GINS1: variants seen among roughly 807,000 people sequenced by gnomAD.
GINS1 encodes the protein GINS complex subunit 1, also known as DNA replication complex GINS protein PSF1.
Under a neutral mutation model 34.9 loss-of-function variants are expected in GINS1, and 26 were observed. The observed-to-expected ratio is 0.74, with a 90% CI of 0.55 to 1.03. The LOEUF is 1.03. GINS1 is among the 50% of genes least tolerant of loss of function. The pLI is 0.00. For synonymous variants in GINS1, 97 were observed against 84.4 expected (o/e 1.15, Z -0.82); for missense variants, 235 against 237.9 (o/e 0.99, Z 0.08).
At chr20:25,429,536 T>G (rs921398818) in intron 5 of GINS1, among the ~76,000 whole-genome samples, 1 of 152,182 alleles carries the variant, frequency 6.6e-6, no homozygotes, top group African/African-American at 2.4e-5. Flanking sequence ...ATCTTTCTCC[T>G]CTTTCGTTAA....
chr20:25,443,680 C>T (rs1235785179), intron 6 of GINS1, among the ~76,000 whole-genome samples: 1 of 151,586 alleles, frequency 6.6e-6, no homozygotes, highest in Non-Finnish European at 1.5e-5. Flanking sequence ...CGGCGTTTCA[C>T]CATGTTGGCC....
intron 2 of GINS1, among the ~76,000 whole-genome samples, chr20:25,414,279 A>ATCTGC (rs1000601773): frequency 1.3e-5 from 2 of 151,530 alleles, no homozygotes; most frequent in African/African-American, 2.4e-5. Flanking sequence ...CTGTAAAATT[A>ATCTGC]TCTGCTCTAG....
At chr20:25,442,187 A>T (rs1042590097) in intron 6 of GINS1, among the ~76,000 whole-genome samples, 4 of 152,208 alleles carry the variant, frequency 2.6e-5, no homozygotes, top group African/African-American at 9.6e-5. Flanking sequence ...TAGCAAGCAA[A>T]TAGTGATACA....
Position 25,443,545 on chromosome 20 carries a change from C to A in GINS1, c.522+1769C>A, listed in dbSNP as rs1271007469. On this transcript the variant is annotated intron_variant, in intron 6 of 6. Coordinates refer to ENST00000262460, the MANE Select transcript of GINS1 (RefSeq NM_021067.5). ...CCAGGCTGGAGTACAGTGGCATGATCTTGGCTCACTGCAACCTCTGCCTCC... is the reference window on the plus strand; with the variant it reads ...CCAGGCTGGAGTACAGTGGCATGATATTGGCTCACTGCAACCTCTGCCTCC... Among the ~76,000 whole-genome samples the A allele has an allele frequency of 2.8e-5, 4 of 143,228 alleles. No homozygotes were observed. The East Asian group carries it at 8.6e-4, about 31-fold the overall frequency. 94.0% of individuals were successfully genotyped at this position (143,228 alleles called of 152,430 possible).
chr20:25,424,921 C>T (rs544860783), intron 4 of GINS1, among the ~76,000 whole-genome samples: 3 of 152,110 alleles, frequency 2.0e-5, no homozygotes, highest in South Asian at 2.1e-4. Flanking sequence ...TCTGAAATGG[C>T]GTCTTTTTCA....
Position 25,424,159 on chromosome 20 carries a change from A to G in GINS1, c.331-1052A>G, listed in dbSNP as rs141500027. Reference sequence around the variant, plus strand: ...GAATGGGAGGACTTTTTCTTCTGTTATGCTAGTCTATCTGTTCTTATACCA... The same window carrying G: ...GAATGGGAGGACTTTTTCTTCTGTTGTGCTAGTCTATCTGTTCTTATACCA... On this transcript the variant is annotated intron_variant, in intron 4 of 6. Coordinates refer to ENST00000262460, the MANE Select transcript of GINS1 (RefSeq NM_021067.5). Among the ~76,000 whole-genome samples, 713 of 152,270 alleles carry G rather than the reference A, an allele frequency of 4.7e-3. 1 individual carries two copies. Among genetic ancestry groups the G allele is most frequent in the Non-Finnish European group, 6.8e-3 (463 of 68,018 alleles).
At chr20:25,417,674 G>A (rs1055180728) in intron 3 of GINS1, among the ~76,000 whole-genome samples, 1 of 152,108 alleles carries the variant, frequency 6.6e-6, no homozygotes, top group African/African-American at 2.4e-5. Flanking sequence ...TGGCCAACAT[G>A]GTGAAACCCT....
chr20:25,416,865 A>G (rs1167488549), intron 2 of GINS1, among the ~76,000 whole-genome samples: 1 of 152,272 alleles, frequency 6.6e-6, no homozygotes, highest in East Asian at 1.9e-4. Flanking sequence ...AAAAATGCAA[A>G]GTACCAAATG....
At chr20:25,416,326 A>G (rs1257901843) in intron 2 of GINS1, among the ~76,000 whole-genome samples, 1 of 152,156 alleles carries the variant, frequency 6.6e-6, no homozygotes, top group Non-Finnish European at 1.5e-5. Flanking sequence ...TCTTTATTCC[A>G]CCTTCCTAGT....
rs2090514273 is a variant in GINS1, at chr20:25,446,674, AC to A, written c.*685del. 1 of 152,238 alleles carries A rather than the reference AC, an allele frequency of 6.6e-6. No individual in the cohort carries two copies. Among genetic ancestry groups the A allele is most frequent in the Non-Finnish European group, 1.5e-5 (1 of 68,056 alleles). 9.4% of individuals were successfully genotyped at this position (152,238 alleles called of 1,614,324 possible). ...ACACACATGGATTTTGCACATTTCC[AC>A]CATGGTGGCTGGTGTGGCTTGTGGC... On this transcript the variant is annotated 3_prime_UTR_variant, in exon 7 of 7. Transcript: ENST00000262460.
chr20:25,445,172 A>G (rs6138569), intron 6 of GINS1, among the ~76,000 whole-genome samples: 23,699 of 152,198 alleles, frequency 0.16, 2,133 homozygotes, highest in East Asian at 0.35. Flanking sequence ...ATCAATTTCA[A>G]TGGATTAAAA....
intron 1 of GINS1, 88 bp from the exon 2 acceptor site, chr20:25,413,702 A>C: frequency 1.3e-6 from 1 of 798,126 alleles, no homozygotes; most frequent in Non-Finnish European, 2.3e-6. Context: ...AAGTATATAA[A>C]TGAAAGATAC....
chr20:25,443,980 TTATCTATCTATC>T (rs35231046), intron 6 of GINS1, among the ~76,000 whole-genome samples: 5 of 142,802 alleles, frequency 3.5e-5, no homozygotes, highest in Admixed American at 7.2e-5. Context: ...TAGGAAACAT[TTATCTATCTATC>T]TATCTATCTA....
chr20:25,432,530 G>C (rs896268317), intron 5 of GINS1, among the ~76,000 whole-genome samples: 9 of 151,754 alleles, frequency 5.9e-5, no homozygotes, highest in Non-Finnish European at 1.3e-4. Context: ...GCAGTGGTGC[G>C]ATCTTGGCTC....
chr20:25,438,512 CTTTTTTTT>C (rs35305107), intron 5 of GINS1, among the ~76,000 whole-genome samples: 1 of 67,986 alleles, frequency 1.5e-5, no homozygotes, highest in Non-Finnish European at 2.6e-5. Context: ...AAGAACAACA[CTTTTTTTT>C]TTTTTTTTTT....
intron 5 of GINS1, among the ~76,000 whole-genome samples, chr20:25,430,853 T>C (rs1036794544): frequency 2.0e-5 from 3 of 152,244 alleles, no homozygotes; most frequent in African/African-American, 4.8e-5. Flanking sequence ...TTTGCATCAG[T>C]GTTCATAAGG....
intron 5 of GINS1, among the ~76,000 whole-genome samples, chr20:25,427,551 A>G (rs2146208623): frequency 6.6e-6 from 1 of 152,212 alleles, no homozygotes; most frequent in South Asian, 2.1e-4. Flanking sequence ...TATTTCCCTA[A>G]TGATTAGTGA....
At chr20:25,424,763 C>T (rs1465184932) in intron 4 of GINS1, among the ~76,000 whole-genome samples, 2 of 152,162 alleles carry the variant, frequency 1.3e-5, no homozygotes, top group Non-Finnish European at 2.9e-5. Flanking sequence ...AATGGCAATA[C>T]GTTTCAGAAC....
Position 25,407,701 on chromosome 20 carries a change from C to T in GINS1, c.-120C>T. On this transcript the variant is annotated 5_prime_UTR_variant, in exon 1 of 7. Transcript: ENST00000262460. ...CGGCGCCAAAGCGCGGAGCGGAGGC[C>T]GAGGCGAGAGCCTGGCGCTGTAGGA... 2 of 790,244 alleles carry T rather than the reference C, an allele frequency of 2.5e-6. No individual in the cohort carries two copies. The highest frequency in any genetic ancestry group is 1.7e-5 in the African/African-American group (1 of 57,804). 49.0% of individuals were successfully genotyped at this position (790,244 alleles called of 1,614,324 possible). A position where few individuals can be genotyped will look rare whatever the true frequency, so the allele number is the denominator to read the frequency against.
Sources: allele counts gnomAD v4.1 joint callset (sites outside exome capture counted in the v4.1 genomes callset), GRCh38; gene constraint gnomAD v4.1.1; transcripts MANE v1.5; gene names NCBI Gene and HGNC (gene_info 2026-07-23, HGNC 2026-07-21).